Variants in BCL9 observed in about 807,000 individuals in gnomAD.
The protein encoded by BCL9 is B-cell CLL/lymphoma 9 protein.
In BCL9, 25 loss-of-function variants were observed where a neutral mutation model predicts 88.5. The ratio of observed to expected loss-of-function variants is 0.28; its 90% CI spans 0.21 to 0.39. The LOEUF (loss-of-function observed/expected upper bound fraction) is 0.39. BCL9 is among the 10% of genes least tolerant of loss of function. The pLI, the probability that BCL9 is intolerant of heterozygous loss-of-function variation, is 1.00. For synonymous variants in BCL9, 711 were observed against 673.3 expected (o/e 1.06, Z -0.87); for missense variants, 1,817 against 1,877.8 (o/e 0.97, Z 0.60).
chr1:147,569,079 G>A (rs1409266616), intron 1 of BCL9, among the ~76,000 whole-genome samples: 3 of 151,908 alleles, frequency 2.0e-5, no homozygotes, highest in Non-Finnish European at 4.4e-5. Flanking sequence ...GTAGCTGGTG[G>A]AAGCAGGTGA....
chr1:147,542,349 G>T (rs1234995629), intron 1 of BCL9, among the ~76,000 whole-genome samples: 1 of 152,248 alleles, frequency 6.6e-6, no homozygotes, highest in Admixed American at 6.5e-5. Context: ...TCTGGTCGTA[G>T]AGACTGTTGA....
At chr1:147,618,155 GTTAATGTACAAATTC>G (rs1429825129) in intron 7 of BCL9, among the ~76,000 whole-genome samples, 1 of 152,126 alleles carries the variant, frequency 6.6e-6, no homozygotes, top group Non-Finnish European at 1.5e-5. Context: ...TCTCACTACA[GTTAATGTACAAATTC>G]TTATCAAATG....
intron 4 of BCL9, among the ~76,000 whole-genome samples, chr1:147,612,462 T>C (rs1266558499): frequency 6.6e-6 from 1 of 152,164 alleles, no homozygotes; most frequent in African/African-American, 2.4e-5. Context: ...CCAGCTTGCA[T>C]TTTCCAGCAG....
chr1:147,623,538 T>C (rs11807878), intron 9 of BCL9, among the ~76,000 whole-genome samples: 11,863 of 152,282 alleles, frequency 0.078, 597 homozygotes, highest in Non-Finnish European at 0.11. Flanking sequence ...GTATTAAATA[T>C]CTCCAATGAG....
At chr1:147,570,639 CTTTT>C (rs1292644240) in intron 1 of BCL9, among the ~76,000 whole-genome samples, 2 of 128,132 alleles carry the variant, frequency 1.6e-5, no homozygotes, top group African/African-American at 2.8e-5. Flanking sequence ...TCTTTTTTTT[CTTTT>C]TTTTTTTTGT....
intron 1 of BCL9, among the ~76,000 whole-genome samples, chr1:147,542,727 G>A (rs1291792794): frequency 1.3e-5 from 2 of 151,510 alleles, no homozygotes; most frequent in African/African-American, 4.9e-5. Flanking sequence ...AGAGAATGGG[G>A]TGGGAGGGGT....
At chr1:147,604,218 C>G (rs1204854941) in intron 1 of BCL9, among the ~76,000 whole-genome samples, 1 of 152,156 alleles carries the variant, frequency 6.6e-6, no homozygotes, top group Non-Finnish European at 1.5e-5. Flanking sequence ...GAGCTTTCCC[C>G]AGGAGGTTCA....
At chr1:147,579,977 A>G (rs1553198433) in intron 1 of BCL9, among the ~76,000 whole-genome samples, 2 of 152,152 alleles carry the variant, frequency 1.3e-5, no homozygotes, top group Non-Finnish European at 2.9e-5. Context: ...CAAAAACAAG[A>G]CATATTTCCT....
At chr1:147,588,533 G>T (rs1656716218) in intron 1 of BCL9, among the ~76,000 whole-genome samples, 1 of 152,196 alleles carries the variant, frequency 6.6e-6, no homozygotes, top group Non-Finnish European at 1.5e-5. Context: ...GACTATGGGA[G>T]AAAGAGAGGC....
At chr1:147,553,533 T>C (rs1342672353) in intron 1 of BCL9, among the ~76,000 whole-genome samples, 1 of 152,202 alleles carries the variant, frequency 6.6e-6, no homozygotes, top group African/African-American at 2.4e-5. Flanking sequence ...CACCTCTGCA[T>C]CTCCAAGAGC....
intron 1 of BCL9, among the ~76,000 whole-genome samples, chr1:147,570,164 C>A (rs1475787627): frequency 6.6e-6 from 1 of 152,082 alleles, no homozygotes; most frequent in African/African-American, 2.4e-5. Flanking sequence ...GTTTGAGAGC[C>A]ATCTGTTTGT....
rs587619395 is a variant in BCL9, at chr1:147,619,013, T to A, written c.858T>A (p.Ile286=). The A allele has an allele frequency of 1.2e-6, 2 of 1,610,140 alleles. No homozygotes were observed. The highest frequency in any genetic ancestry group is 2.2e-5 in the South Asian group (2 of 90,530). The part of the protein sequence containing the change: ...RESPGVENKL[I]PSVGSPASST... Reference sequence around the variant, plus strand: ...GTCCTGGGGTAGAAAACAAACTGATTCCTTCTGTAGGAAGTCCTGCCAGCT... The same window carrying A: ...GTCCTGGGGTAGAAAACAAACTGATACCTTCTGTAGGAAGTCCTGCCAGCT... Residue 286 remains isoleucine (I), a synonymous_variant, in exon 8 of 10, where the codon ATT becomes ATA. Transcript: ENST00000234739. This position sits in a 1 kb window ranked among gnomAD's most constrained non-coding sequence, Gnocchi z 4.1.
At position 147,624,071 on chromosome 1, in the gene BCL9, T is replaced by C. The variant is rs782759184; in HGVS notation, c.3393T>C (p.Pro1131=). ...GGTCCCAGGAGCCACCGATGGTACC[T>C]CAAGGACGGATGGGCTTCCCCCAGG... The part of the protein sequence containing the change: ...GHGSQEPPMV[P]QGRMGFPQGF... Residue 1131 remains proline (P), a synonymous_variant, in exon 10 of 10, where the codon CCT becomes CCC. Coordinates refer to ENST00000234739, the MANE Select transcript of BCL9 (RefSeq NM_004326.4). This position sits in a 1 kb window ranked among gnomAD's most constrained non-coding sequence, Gnocchi z 4.4. 6.2e-7 allele frequency: 1 copy of C among 1,612,610 alleles called. No individual in the cohort carries two copies. The highest frequency in any genetic ancestry group is 8.5e-7 in the Non-Finnish European group (1 of 1,178,834).
In BCL9 at chr1:147,624,013, G is replaced by A. The variant is rs1553205958; in HGVS notation, c.3335G>A (p.Gly1112Asp). Residue 1112 changes from glycine (G) to aspartate (D), a missense_variant, in exon 10 of 10, where the codon GGC becomes GAC. Around this residue, in one of 2 missense-constraint regions of BCL9, gnomAD observed 589 missense variants for 686.2 expected, o/e 0.86. Coordinates refer to ENST00000234739, the MANE Select transcript of BCL9 (RefSeq NM_004326.4). This position sits in a 1 kb window ranked among gnomAD's most constrained non-coding sequence, Gnocchi z 4.4. ...IPPHGVPMGPGLMSHNPIMGH... is the reference protein window; with the variant it reads ...IPPHGVPMGPDLMSHNPIMGH... ...CCTCATGGGGTCCCAATGGGGCCTGGCTTGATGTCACACAATCCTATCATG... is the reference window on the plus strand; with the variant it reads ...CCTCATGGGGTCCCAATGGGGCCTGACTTGATGTCACACAATCCTATCATG... 1 of 1,614,194 alleles carries A rather than the reference G, an allele frequency of 6.2e-7. No individual in the cohort carries two copies. Among genetic ancestry groups the A allele is most frequent in the Admixed American group, 1.7e-5 (1 of 60,026 alleles).
At chr1:147,552,072 A>G (rs1176146442) in intron 1 of BCL9, among the ~76,000 whole-genome samples, 1 of 152,118 alleles carries the variant, frequency 6.6e-6, no homozygotes, top group Non-Finnish European at 1.5e-5. Flanking sequence ...TATTCACAGA[A>G]CTAATTATAA....
In BCL9 at chr1:147,619,381, T is replaced by C. The variant is rs782210123; in HGVS notation, c.1226T>C (p.Met409Thr). ...AAACCAGAAGGGCCAATACAGGCCATGATGGCCCAATCCCAAAGCCTAGGT... is the reference window on the plus strand; with the variant it reads ...AAACCAGAAGGGCCAATACAGGCCACGATGGCCCAATCCCAAAGCCTAGGT... ...QKKPEGPIQA[M>T]MAQSQSLGKG... Residue 409 changes from methionine to threonine, a missense_variant, in exon 8 of 10, where the codon ATG becomes ACG. Met to Thr is a moderately conservative substitution (Grantham distance 81). Coordinates refer to ENST00000234739, the MANE Select transcript of BCL9 (RefSeq NM_004326.4). This position sits in a 1 kb window ranked among gnomAD's most constrained non-coding sequence, Gnocchi z 4.1. 7 of 1,613,938 alleles carry C rather than the reference T, an allele frequency of 4.3e-6. No individual in the cohort carries two copies. In the Admixed American group the frequency reaches 5.0e-5, roughly 12 times the overall value.
chr1:147,617,334 C>G (rs1347312001), intron 7 of BCL9, among the ~76,000 whole-genome samples: 1 of 152,194 alleles, frequency 6.6e-6, no homozygotes, highest in East Asian at 1.9e-4. Context: ...TGTTCCACAT[C>G]TAAATGTTTT....
At chr1:147,578,920 C>T (rs1656229807) in intron 1 of BCL9, among the ~76,000 whole-genome samples, 2 of 151,688 alleles carry the variant, frequency 1.3e-5, no homozygotes, top group Admixed American at 1.3e-4. Context: ...GGCTGGAGTG[C>T]AATGGCACGA....
chr1:147,559,632 G>A (rs1655281861), intron 1 of BCL9, among the ~76,000 whole-genome samples: 2 of 152,270 alleles, frequency 1.3e-5, no homozygotes, highest in Middle Eastern at 6.8e-3. Flanking sequence ...TGCAGAGATG[G>A]TATTTTTACC....
Sources: gnomAD v4.1 joint callset for allele counts (sites outside exome capture counted in the v4.1 genomes callset) on GRCh38, gnomAD v4.1.1 for gene constraint, gnomAD v4.1.1 regional missense constraint, Gnocchi (gnomAD v3.1) non-coding constraint, MANE v1.5 for transcripts, NCBI Gene and HGNC (gene_info 2026-07-23, HGNC 2026-07-21) for gene names.